Variants in GRB10 observed in about 807,000 individuals in gnomAD.
GRB10 encodes the protein growth factor receptor bound protein 10.
Under a neutral mutation model 80.9 loss-of-function variants are expected in GRB10, and 20 were observed. The ratio of observed to expected loss-of-function variants is 0.25; its 90% CI spans 0.17 to 0.36. GRB10 has a LOEUF of 0.36. GRB10 is among the 10% of genes least tolerant of loss of function. The pLI, the probability that GRB10 is intolerant of heterozygous loss-of-function variation, is 1.00. For synonymous variants in GRB10, 291 were observed against 291.5 expected (o/e 1.00, Z 0.02); for missense variants, 548 against 747.7 (o/e 0.73, Z 3.12).
At chr7:50,673,184 C>T (rs750188262) in intron 6 of GRB10, among the ~76,000 whole-genome samples, 3 of 152,174 alleles carry the variant, frequency 2.0e-5, no homozygotes, top group African/African-American at 7.2e-5. Context: ...GGTGCTGAGA[C>T]AGAAGGCACC....
At chr7:50,781,481 GC>G (rs1188484654) in intron 1 of GRB10, 3 of 152,276 alleles carry the variant, frequency 2.0e-5, no homozygotes, top group African/African-American at 7.2e-5. Flanking sequence ...CGAGGCCCTG[GC>G]CGCCAGCACG....
At chr7:50,737,761 A>G (rs2071055695) in intron 3 of GRB10, among the ~76,000 whole-genome samples, 1 of 152,218 alleles carries the variant, frequency 6.6e-6, no homozygotes, top group African/African-American at 2.4e-5. Flanking sequence ...AAGCAGGAGA[A>G]TTGCTTGAAC....
chr7:50,626,176 A>G (rs916427509), intron 8 of GRB10, among the ~76,000 whole-genome samples: 1 of 152,250 alleles, frequency 6.6e-6, no homozygotes, highest in Admixed American at 6.5e-5. Context: ...GTAAAGAGTC[A>G]ATATCTTCAA....
upstream of GRB10, among the ~76,000 whole-genome samples, chr7:50,783,604 C>T (rs888383922): frequency 6.6e-6 from 1 of 152,048 alleles, no homozygotes; most frequent in Non-Finnish European, 1.5e-5. Context: ...ATGATGGAAG[C>T]AAAACAGAAC....
chr7:50,705,310 T>C (rs1433870216), intron 4 of GRB10: 1 of 985,352 alleles, frequency 1.0e-6, no homozygotes, highest in East Asian at 1.1e-4. Context: ...CGTTCACACC[T>C]TCCTCCAGAA....
chr7:50,699,435 G>A (rs1262785845), intron 5 of GRB10, among the ~76,000 whole-genome samples: 2 of 152,172 alleles, frequency 1.3e-5, no homozygotes, highest in Non-Finnish European at 2.9e-5. Flanking sequence ...AGTACTAGTT[G>A]AGTACAAATT....
intron 5 of GRB10, among the ~76,000 whole-genome samples, chr7:50,702,098 T>C (rs1161206553): frequency 6.6e-6 from 1 of 152,242 alleles, no homozygotes; most frequent in Non-Finnish European, 1.5e-5. Flanking sequence ...TGCTGCCTCA[T>C]GGAAGACTGC....
At chr7:50,792,195 A>G (rs987414058) in intron 1 of GRB10, among the ~76,000 whole-genome samples, 1 of 152,182 alleles carries the variant, frequency 6.6e-6, no homozygotes, top group Admixed American at 6.5e-5. Context: ...GTTGTGCAAT[A>G]ACGCATATTT....
At chr7:50,657,463 C>T (rs1402099901) in intron 7 of GRB10, among the ~76,000 whole-genome samples, 2 of 152,114 alleles carry the variant, frequency 1.3e-5, no homozygotes, top group Non-Finnish European at 2.9e-5. Flanking sequence ...TGAGCGGAAA[C>T]ACTACCCGTG....
chr7:50,635,654 C>G (rs1477693593), intron 7 of GRB10, among the ~76,000 whole-genome samples: 2 of 151,920 alleles, frequency 1.3e-5, no homozygotes, highest in South Asian at 4.2e-4. Context: ...TACCTAAGAA[C>G]AAAAGAAGAT....
At chr7:50,750,336 C>T (rs2073888373) in intron 3 of GRB10, among the ~76,000 whole-genome samples, 1 of 152,196 alleles carries the variant, frequency 6.6e-6, no homozygotes, top group Non-Finnish European at 1.5e-5. Flanking sequence ...ATATATAAAA[C>T]CTTTCTGAAA....
Position 50,674,672 on chromosome 7 carries a change from G to C in GRB10, c.140-14C>G, listed in dbSNP as rs772600582. 1.9e-6 allele frequency: 3 copies of C among 1,610,440 alleles called. No individual in the cohort carries two copies. The highest frequency in any genetic ancestry group is 2.5e-6 in the Non-Finnish European group (3 of 1,177,606). The stretch of plus-strand genomic sequence containing the variant: ...CCACATCATCCTCTGCACAGAAAAA[G>C]GCAAGAGCAAAAAAGAAACTTTAAC... On this transcript the variant is annotated splice_polypyrimidine_tract_variant and intron_variant, in intron 5 of 18. Transcript: ENST00000401949.
intron 3 of GRB10, among the ~76,000 whole-genome samples, chr7:50,748,337 G>C (rs935954502): frequency 6.6e-6 from 1 of 152,220 alleles, no homozygotes; most frequent in African/African-American, 2.4e-5. Context: ...ACCTGCTATA[G>C]GCCAAGTGCC....
rs1040539631 is a variant in GRB10 at position 50,792,715 on chromosome 7, C to G, written c.-294+509G>C. On this transcript the variant is annotated intron_variant, in intron 1 of 16. Coordinates refer to the GRB10 transcript ENST00000335866. ...TTGGGAGTGTCTGGCACCACTGTCC[C>G]GGACGCCCGGACGCCCGGGCGCGCG... is the stretch of plus-strand genomic sequence containing the variant. 1.2e-4 allele frequency: 39 copies of G among 334,884 alleles called. 1 individual carries two copies. The East Asian group carries it at 1.3e-3, about 11-fold the overall frequency. The allele number at this position is 334,884 out of a possible 1,614,324, so 20.7% of individuals were successfully genotyped here. A position where few individuals can be genotyped will look rare whatever the true frequency, so the allele number is the denominator to read the frequency against.
At chr7:50,697,474 G>C (rs1391566811) in intron 5 of GRB10, among the ~76,000 whole-genome samples, 2 of 152,110 alleles carry the variant, frequency 1.3e-5, no homozygotes, top group African/African-American at 2.4e-5. Context: ...CATTAGTTAG[G>C]AACAAGGTAA....
At chr7:50,726,675 C>T (rs115029585) in intron 4 of GRB10, among the ~76,000 whole-genome samples, 1 of 152,162 alleles carries the variant, frequency 6.6e-6, no homozygotes, top group African/African-American at 2.4e-5. Context: ...GATCAGCACA[C>T]ATGACACATT....
At chr7:50,600,733 A>G (rs1277941505) in intron 17 of GRB10, among the ~76,000 whole-genome samples, 2 of 152,238 alleles carry the variant, frequency 1.3e-5, no homozygotes, top group Non-Finnish European at 2.9e-5. Flanking sequence ...TAGAACTGCC[A>G]AAAGACAAAG....
chr7:50,673,632 G>A (rs529384658), intron 6 of GRB10, among the ~76,000 whole-genome samples: 1 of 152,120 alleles, frequency 6.6e-6, no homozygotes, highest in African/African-American at 2.4e-5. Context: ...GGGCTCCTGA[G>A]ACCACTTCCA....
At chr7:50,615,549 T>C (rs2050454326) in intron 11 of GRB10, among the ~76,000 whole-genome samples, 1 of 152,194 alleles carries the variant, frequency 6.6e-6, no homozygotes, top group African/African-American at 2.4e-5. Flanking sequence ...GCTCAACACC[T>C]GTGCTGGGGT....
Sources: allele counts gnomAD v4.1 joint callset (sites outside exome capture counted in the v4.1 genomes callset), GRCh38; gene constraint gnomAD v4.1.1; transcripts MANE v1.5; gene names NCBI Gene and HGNC (gene_info 2026-07-23, HGNC 2026-07-21).